MALRD1: variants seen among roughly 807,000 people sequenced by gnomAD.
MALRD1 encodes the protein MAM and LDL-receptor class A domain-containing protein 1.
In MALRD1, 247 loss-of-function variants were observed where a neutral mutation model predicts 242.1. That is an observed-to-expected ratio of 1.02 (90% CI 0.92 to 1.13). The LOEUF (loss-of-function observed/expected upper bound fraction) is 1.13. MALRD1 is among the 50% of genes most tolerant of loss of function. MALRD1 has a pLI of 0.00. For synonymous variants in MALRD1, 995 were observed against 866.6 expected, an observed-to-expected ratio of 1.15 and a Z score of -2.60; for missense variants, 2,989 against 2,533.1, an observed-to-expected ratio of 1.18 and a Z score of -3.86.
intron 26 of MALRD1, among the ~76,000 whole-genome samples, chr10:19,378,185 G>C (rs543025982): frequency 6.6e-6 from 1 of 152,072 alleles, no homozygotes; most frequent in Admixed American, 6.6e-5. Flanking sequence ...TCTTGAACTA[G>C]AACCATACCA....
intron 10 of MALRD1, among the ~76,000 whole-genome samples, chr10:19,143,301 G>A (rs763508535): frequency 3.3e-5 from 5 of 152,214 alleles, no homozygotes; most frequent in Non-Finnish European, 7.3e-5. Context: ...CAATTATGAA[G>A]AGTCTGGGTG....
intron 36 of MALRD1, among the ~76,000 whole-genome samples, chr10:19,620,396 A>G (rs1049941620): frequency 6.6e-5 from 10 of 152,000 alleles, no homozygotes; most frequent in Non-Finnish European, 1.5e-4. Context: ...TTAGCTCCCA[A>G]TTCAAACGTC....
intron 4 of MALRD1, among the ~76,000 whole-genome samples, chr10:19,094,681 G>T (rs1253388450): frequency 6.6e-6 from 1 of 152,188 alleles, no homozygotes; most frequent in Non-Finnish European, 1.5e-5. Context: ...TGAGAAAAGG[G>T]AATGCTGGGT....
At chr10:19,383,876 A>G (rs148909446) in intron 26 of MALRD1, among the ~76,000 whole-genome samples, 122 of 152,046 alleles carry the variant, frequency 8.0e-4, no homozygotes, top group African/African-American at 2.9e-3. Flanking sequence ...AGAGGCAGAT[A>G]ATTTAAGCAA....
At chr10:19,353,375 A>G (rs1327928345) in intron 26 of MALRD1, among the ~76,000 whole-genome samples, 2 of 152,192 alleles carry the variant, frequency 1.3e-5, no homozygotes, top group Non-Finnish European at 2.9e-5. Context: ...TATTTAAATT[A>G]TATTTATTAT....
chr10:19,579,994 A>G (rs1308007303), intron 33 of MALRD1, among the ~76,000 whole-genome samples: 9 of 152,208 alleles, frequency 5.9e-5, no homozygotes, highest in Non-Finnish European at 1.0e-4. Context: ...CCAACATTGC[A>G]TATAATTGTG....
At chr10:19,448,868 A>G (rs1835151644) in intron 28 of MALRD1, among the ~76,000 whole-genome samples, 1 of 152,010 alleles carries the variant, frequency 6.6e-6, no homozygotes, top group Admixed American at 6.6e-5. Context: ...TGTTGTTAAA[A>G]TTATCACTTT....
chr10:19,585,829 T>G (rs1015408612), intron 33 of MALRD1, among the ~76,000 whole-genome samples: 32 of 152,334 alleles, frequency 2.1e-4, no homozygotes, highest in African/African-American at 6.7e-4. Flanking sequence ...GTTTTCCAAC[T>G]TGGTTCCATT....
At chr10:19,053,719 T>C (rs895228828) in intron 1 of MALRD1, among the ~76,000 whole-genome samples, 20 of 152,126 alleles carry the variant, frequency 1.3e-4, no homozygotes, top group African/African-American at 4.6e-4. Context: ...GGATTTGACA[T>C]CCTGTAAGTG....
At chr10:19,157,769 T>G (rs1056107328) in intron 12 of MALRD1, among the ~76,000 whole-genome samples, 1 of 150,912 alleles carries the variant, frequency 6.6e-6, no homozygotes, top group African/African-American at 2.4e-5. Flanking sequence ...AATTATATGG[T>G]TTTTTTTTCC....
intron 18 of MALRD1, among the ~76,000 whole-genome samples, chr10:19,245,742 A>T (rs747144920): frequency 1.3e-5 from 2 of 152,190 alleles, no homozygotes; most frequent in Non-Finnish European, 2.9e-5. Flanking sequence ...GAATCCTAGG[A>T]ATCTGTATTT....
intron 11 of MALRD1, among the ~76,000 whole-genome samples, chr10:19,148,788 A>AATATATATATATATATATATATAT (rs767384867): frequency 1.1e-5 from 1 of 88,034 alleles, no homozygotes; most frequent in African/African-American, 4.1e-5. Context: ...AAAAAAAAAA[A>AATATATATATATATATATATATAT]ATATATATAT....
intron 38 of MALRD1, among the ~76,000 whole-genome samples, chr10:19,719,243 T>C (rs1237588558): frequency 3.2e-5 from 4 of 126,422 alleles, no homozygotes; most frequent in Non-Finnish European, 4.8e-5. Flanking sequence ...TATATATATA[T>C]ATATATATAT....
chr10:19,328,842 T>C (rs1301906929), intron 23 of MALRD1, among the ~76,000 whole-genome samples: 1 of 152,122 alleles, frequency 6.6e-6, no homozygotes, highest in Non-Finnish European at 1.5e-5. Context: ...ATGAAACTTT[T>C]TATTAGAGGG....
In MALRD1 at chr10:19,327,656, A is replaced by C. The variant is rs753292886; in HGVS notation, c.3670A>C (p.Ile1224Leu). ...GAAGAGAGCAGAAGTGTTTTTAGGC[A>C]TTCGTTCACATACACAGGTGTGTAA... Reference protein sequence around the residue: ...QWKRAEVFLGIRSHTQIVFRA... With the variant: ...QWKRAEVFLGLRSHTQIVFRA... Residue 1224 changes from isoleucine to leucine, a missense_variant, in exon 23 of 40, where the codon ATT becomes CTT. By Grantham distance (5) the Ile-to-Leu change is conservative. Coordinates refer to ENST00000454679, the MANE Select transcript of MALRD1 (RefSeq NM_001142308.3). The C allele has an allele frequency of 7.4e-5, 114 of 1,549,232 alleles. No homozygotes were observed. The highest frequency in any genetic ancestry group is 9.6e-5 in the Non-Finnish European group (110 of 1,146,022).
intron 32 of MALRD1, among the ~76,000 whole-genome samples, chr10:19,561,951 A>G (rs1020342471): frequency 6.6e-6 from 1 of 152,122 alleles, no homozygotes; most frequent in African/African-American, 2.4e-5. Flanking sequence ...CAAAATAGCT[A>G]TTTCCCCTCT....
chr10:19,506,138 A>G (rs548526633), intron 31 of MALRD1, among the ~76,000 whole-genome samples: 4 of 152,316 alleles, frequency 2.6e-5, no homozygotes, highest in South Asian at 2.1e-4. Context: ...AGCACCTGCT[A>G]TTCATCCTCC....
At chr10:19,606,897 TA>T in intron 34 of MALRD1, among the ~76,000 whole-genome samples, 1 of 152,238 alleles carries the variant, frequency 6.6e-6, no homozygotes, top group East Asian at 1.9e-4. Flanking sequence ...GTTGTAATCC[TA>T]AAGAAAGGAA....
intron 29 of MALRD1, among the ~76,000 whole-genome samples, chr10:19,456,134 A>T (rs141410695): frequency 2.8e-4 from 43 of 152,296 alleles, no homozygotes; most frequent in African/African-American, 9.4e-4. Context: ...GAATGTTTCC[A>T]GAATCTTTTG....
Sources: gnomAD v4.1 joint callset for allele counts (sites outside exome capture counted in the v4.1 genomes callset) on GRCh38, gnomAD v4.1.1 for gene constraint, MANE v1.5 for transcripts, NCBI Gene and HGNC (gene_info 2026-07-23, HGNC 2026-07-21) for gene names.